Variants in RTEL1 observed in about 807,000 individuals in gnomAD.
RTEL1 encodes the protein regulator of telomere elongation helicase 1, also known as regulator of telomere length.
Under a neutral mutation model 162.2 loss-of-function variants are expected in RTEL1, and 86 were observed. The observed-to-expected ratio is 0.53, with a 90% CI of 0.45 to 0.63. The LOEUF is 0.63. RTEL1 is among the 30% of genes least tolerant of loss of function. The pLI is 0.00. For missense variants in RTEL1, 1,941 were observed against 1,750.2 expected (o/e 1.11, Z -1.95); for synonymous variants, 958 against 717.9 (o/e 1.33, Z -5.35).
At chr20:63,682,809 G>C (rs564309267) in intron 14 of RTEL1, among the ~76,000 whole-genome samples, 2 of 152,250 alleles carry the variant, frequency 1.3e-5, no homozygotes, top group African/African-American at 4.8e-5. Context: ...GGGTCAGGCC[G>C]TGTGCTCGGA....
At chr20:63,694,682 G>A (rs1380432114) in intron 31 of RTEL1, 59 bp from the exon 32 acceptor site, 34 of 1,429,078 alleles carry the variant, frequency 2.4e-5, no homozygotes, top group South Asian at 8.9e-5. Flanking sequence ...CGGGCAGGGC[G>A]GTGGGACTCT....
chr20:63,659,931 A>G (rs1331862691), intron 2 of RTEL1, among the ~76,000 whole-genome samples: 1 of 152,132 alleles, frequency 6.6e-6, no homozygotes, highest in East Asian at 1.9e-4. Context: ...TAGTGGGGAG[A>G]AGGTCAGCAA....
In RTEL1 at chr20:63,682,423, A is replaced by G. The variant is rs913950672; in HGVS notation, c.1191+1704A>G. The G allele has an allele frequency of 6.1e-6, 6 of 985,322 alleles. No individual in the cohort carries two copies. In the African/African-American group the frequency reaches 1.1e-4, roughly 17 times the overall value. 61.0% of individuals were successfully genotyped at this position (985,322 alleles called of 1,614,324 possible). On this transcript the variant is annotated intron_variant, in intron 14 of 34. Coordinates refer to ENST00000360203, the MANE Select transcript of RTEL1 (RefSeq NM_001283009.2). ...CGGCCTCCCAGCCTCCCACTTAAGG[A>G]GAAGTCTCCACACTCTGGAACCGGA... is the stretch of plus-strand genomic sequence containing the variant.
intron 16 of RTEL1, among the ~76,000 whole-genome samples, chr20:63,686,201 C>T (rs768108648): frequency 1.6e-4 from 25 of 152,244 alleles, no homozygotes; most frequent in Non-Finnish European, 3.1e-4. Context: ...CAGTGAGGCA[C>T]GGCTCTGCCT....
rs754655460 is a variant in RTEL1 at position 63,690,459 on chromosome 20, T to C, written c.2413+18T>C. The C allele has an allele frequency of 8.1e-6, 6 of 743,724 alleles. No homozygotes were observed. The highest frequency in any genetic ancestry group is 5.0e-5 in the Admixed American group (2 of 40,130). 46.1% of individuals were successfully genotyped at this position (743,724 alleles called of 1,614,324 possible). ...GTCCTCAGGTGCGGACGGGCAGCGC[T>C]GGGTGGGCGGTGTGGGGGTGGCGGA... On this transcript the variant is annotated intron_variant, in intron 26 of 34. Transcript: ENST00000360203.
chr20:63,661,232 A>G lies in RTEL1; in HGVS notation c.103-66A>G. 1 of 1,474,290 alleles carries G rather than the reference A, an allele frequency of 6.8e-7. No individual in the cohort carries two copies. The highest frequency in any genetic ancestry group is 9.4e-7 in the Non-Finnish European group (1 of 1,066,880). 91.3% of individuals were successfully genotyped at this position (1,474,290 alleles called of 1,614,324 possible). A position where few individuals can be genotyped will look rare whatever the true frequency, so the allele number is the denominator to read the frequency against. On this transcript the variant is annotated intron_variant, in intron 2 of 34. Coordinates refer to ENST00000360203, the MANE Select transcript of RTEL1 (RefSeq NM_001283009.2). This position sits in a 1 kb window ranked among gnomAD's most constrained non-coding sequence, Gnocchi z 5.1. ...CCCGCTGGCTGCCGAAGCTTGTCTCAGGGCAGCTTGTGTGGCCTCGCCTCT... is the reference window on the plus strand; with the variant it reads ...CCCGCTGGCTGCCGAAGCTTGTCTCGGGGCAGCTTGTGTGGCCTCGCCTCT...
At chr20:63,666,530 GA>G (rs1017494195) in intron 7 of RTEL1, among the ~76,000 whole-genome samples, 2 of 152,188 alleles carry the variant, frequency 1.3e-5, no homozygotes, top group East Asian at 1.9e-4. Flanking sequence ...TATTGAGGGG[GA>G]AACCTCCCTC....
At chr20:63,693,394 T>A (rs542413238) in intron 30 of RTEL1, 111 bp downstream of exon 30, 1 of 1,348,914 alleles carries the variant, frequency 7.4e-7, no homozygotes, top group Non-Finnish European at 1.0e-6. Context: ...GCCCCGCCTC[T>A]CTGTTCCCCT....
intron 28 of RTEL1, chr20:63,692,332 C>A: frequency 4.5e-6 from 1 of 222,776 alleles, no homozygotes; most frequent in Non-Finnish European, 9.0e-6. Flanking sequence ...CCTGGGCTGG[C>A]GAGGGCCTGG....
Position 63,681,227 on chromosome 20 carries a change from C to G in RTEL1, c.1191+508C>G, listed in dbSNP as rs531740948. The G allele has an allele frequency of 3.0e-6, 3 of 985,452 alleles. No individual in the cohort carries two copies. In the African/African-American group the frequency reaches 5.2e-5, roughly 17 times the overall value. 61.0% of individuals were successfully genotyped at this position (985,452 alleles called of 1,614,324 possible). Reference sequence around the variant, plus strand: ...CCCGTCCTGTCCTGCAATGCCCGTCCCATGTGAGGTCTGCTTCTGGCTCCA... The same window carrying G: ...CCCGTCCTGTCCTGCAATGCCCGTCGCATGTGAGGTCTGCTTCTGGCTCCA... On this transcript the variant is annotated intron_variant, in intron 14 of 34. Transcript: ENST00000360203.
At chr20:63,667,090 C>T (rs143940558) in intron 7 of RTEL1, among the ~76,000 whole-genome samples, 25 of 149,042 alleles carry the variant, frequency 1.7e-4, no homozygotes, top group South Asian at 1.1e-3. Context: ...CCGCCCACCT[C>T]GGCCTCCCAA....
At chr20:63,667,843 T>G (rs556396320) in intron 8 of RTEL1, among the ~76,000 whole-genome samples, 68 of 152,000 alleles carry the variant, frequency 4.5e-4, no homozygotes, top group African/African-American at 1.6e-3. Flanking sequence ...TCCTGACAGC[T>G]CAGGTTCTCT....
At position 63,662,641 on chromosome 20, in the gene RTEL1, C is replaced by G; in HGVS notation, c.477+14C>G. On this transcript the variant is annotated intron_variant, in intron 5 of 34. Coordinates refer to ENST00000360203, the MANE Select transcript of RTEL1 (RefSeq NM_001283009.2). Reference sequence around the variant, plus strand: ...AACCATCTACAGGTAGGCTCCTGGGCTCCCGCTCCGGCTCAGTGTCCGACA... The same window carrying G: ...AACCATCTACAGGTAGGCTCCTGGGGTCCCGCTCCGGCTCAGTGTCCGACA... The G allele has an allele frequency of 1.9e-6, 3 of 1,613,410 alleles. No homozygotes were observed. Among genetic ancestry groups the G allele is most frequent in the Non-Finnish European group, 2.5e-6 (3 of 1,179,622 alleles).
intron 6 of RTEL1, 38 bp downstream of exon 6, chr20:63,662,927 T>G (rs770216437): frequency 5.7e-6 from 9 of 1,589,446 alleles, no homozygotes; most frequent in South Asian, 5.5e-5. Flanking sequence ...CGGGTTGGAG[T>G]GTGTGCAGCC....
At position 63,694,389 on chromosome 20, in the gene RTEL1, C is replaced by T; in HGVS notation, c.3010C>T (p.Pro1004Ser). 1 of 1,610,764 alleles carries T rather than the reference C, an allele frequency of 6.2e-7. No homozygotes were observed. The highest frequency in any genetic ancestry group is 8.5e-7 in the Non-Finnish European group (1 of 1,178,730). ...TTCATCAGGAAGAACGGCGCCGGAT[C>T]CCAAGCTGACCGTGTCCACGGCTGC... ...LDPTGRTAPD[P>S]KLTVSTAAAQ... is the part of the protein sequence containing the mutation. Residue 1004 changes from proline (P) to serine (S), a missense_variant, in exon 31 of 35, where the codon CCC becomes TCC. Pro to Ser is a moderately conservative substitution (Grantham distance 74). Transcript: ENST00000360203.
rs1179305560 is a variant in RTEL1, at chr20:63,685,390, G to A, written c.1192-133G>A. 7 of 882,364 alleles carry A rather than the reference G, an allele frequency of 7.9e-6. No homozygotes were observed. In the Admixed American group the frequency reaches 1.7e-4, roughly 22 times the overall value. 54.7% of individuals were successfully genotyped at this position (882,364 alleles called of 1,614,324 possible). On this transcript the variant is annotated intron_variant, in intron 14 of 34. Coordinates refer to ENST00000360203, the MANE Select transcript of RTEL1 (RefSeq NM_001283009.2). ...TGCCAGCTCCTGTCCATTGGCCTGG[G>A]GCTGCATGATGGCAGGGGCCGGTGA...
intron 17 of RTEL1, 67 bp from the exon 18 acceptor site, chr20:63,687,870 C>T (rs930965200): frequency 3.5e-5 from 55 of 1,581,044 alleles, no homozygotes; most frequent in Admixed American, 2.5e-4. Flanking sequence ...CTGGGGGTCT[C>T]GGGCCTCGAG....
chr20:63,672,747 T>C, intron 9 of RTEL1, 126 bp downstream of exon 9: 1 of 775,838 alleles, frequency 1.3e-6, no homozygotes, highest in Non-Finnish European at 2.2e-6. Flanking sequence ...GACTGGGGAC[T>C]GAGCACACCA....
intron 14 of RTEL1, chr20:63,681,789 G>C: frequency 3.0e-6 from 3 of 985,380 alleles, no homozygotes; most frequent in Non-Finnish European, 2.4e-6. Flanking sequence ...GCCACAGCCT[G>C]TGTCTTCTCT....
Sources: gnomAD v4.1 joint callset for allele counts (sites outside exome capture counted in the v4.1 genomes callset) on GRCh38, gnomAD v4.1.1 for gene constraint, Gnocchi (gnomAD v3.1) non-coding constraint, MANE v1.5 for transcripts, NCBI Gene and HGNC (gene_info 2026-07-23, HGNC 2026-07-21) for gene names.